The following TRIQK variants were observed in gnomAD, a reference collection of about 807,000 sequenced individuals.
The protein encoded by TRIQK is triple QxxK/R motif-containing protein.
A neutral mutation model predicts 10.8 loss-of-function variants in TRIQK; 10 were observed. The ratio of observed to expected loss-of-function variants is 0.92; its 90% CI spans 0.57 to 1.57. The LOEUF (loss-of-function observed/expected upper bound fraction) is 1.57. Among genes scored for constraint, TRIQK ranks in the 40% most tolerant of loss-of-function variants. The probability of loss-of-function intolerance (pLI) is 0.00; values close to 1 mark genes in which losing one functional copy is unlikely to be tolerated. For missense variants in TRIQK, 107 were observed against 97.7 expected (o/e 1.09, Z -0.40); for synonymous variants, 33 against 33.7 (o/e 0.98, Z 0.07).
chr8:92,990,301 C>T (rs1813083377), intron 1 of TRIQK, among the ~76,000 whole-genome samples: 1 of 152,154 alleles, frequency 6.6e-6, no homozygotes, highest in African/African-American at 2.4e-5. Context: ...GAATTCCAGT[C>T]AATTATGATA....
intron 3 of TRIQK, among the ~76,000 whole-genome samples, chr8:92,898,833 G>GTATGTATA: frequency 1.4e-5 from 1 of 73,920 alleles, no homozygotes; most frequent in South Asian, 5.7e-4. Context: ...GTGTGTGTGT[G>GTATGTATA]TATATATATA....
At chr8:93,005,366 G>C (rs1205663246) in intron 1 of TRIQK, among the ~76,000 whole-genome samples, 4 of 152,054 alleles carry the variant, frequency 2.6e-5, no homozygotes, top group Non-Finnish European at 5.9e-5. Context: ...GAACAGCAAA[G>C]GAGAAATCCA....
intron 2 of TRIQK, among the ~76,000 whole-genome samples, chr8:92,934,698 G>A (rs1373936645): frequency 6.6e-6 from 1 of 151,902 alleles, no homozygotes; most frequent in Non-Finnish European, 1.5e-5. Flanking sequence ...CACTTTGTTA[G>A]TATTTGCAGA....
At chr8:92,963,414 A>G (rs1812554930) in intron 1 of TRIQK, 1 of 151,982 alleles carries the variant, frequency 6.6e-6, no homozygotes, top group Admixed American at 6.6e-5. Flanking sequence ...GAAAACAACC[A>G]CAATTCTTTT....
chr8:92,954,180 G>T (rs1040643464), intron 2 of TRIQK: 7 of 151,790 alleles, frequency 4.6e-5, no homozygotes, highest in African/African-American at 1.7e-4. Context: ...TAAATGTATA[G>T]CTTTATAAAT....
intron 3 of TRIQK, among the ~76,000 whole-genome samples, chr8:92,910,216 G>A (rs1809499570): frequency 6.6e-6 from 1 of 151,308 alleles, no homozygotes; most frequent in Non-Finnish European, 1.5e-5. Context: ...AAAAAAATAT[G>A]TGAAAGATAG....
chr8:92,939,131 G>T (rs1323614790), intron 2 of TRIQK, among the ~76,000 whole-genome samples: 1 of 152,198 alleles, frequency 6.6e-6, no homozygotes, highest in Non-Finnish European at 1.5e-5. Flanking sequence ...GTTGAGAGGA[G>T]AAAGAGAGTT....
intron 1 of TRIQK, among the ~76,000 whole-genome samples, chr8:93,011,179 T>TACACAC (rs553408139): frequency 7.8e-4 from 108 of 138,826 alleles, no homozygotes; most frequent in South Asian, 6.0e-3. Flanking sequence ...TACACATACA[T>TACACAC]ACACACACAC....
intron 3 of TRIQK, among the ~76,000 whole-genome samples, chr8:92,915,871 T>C (rs1809812504): frequency 6.6e-6 from 1 of 152,112 alleles, no homozygotes; most frequent in Admixed American, 6.5e-5. Context: ...GTCTTTTGTT[T>C]TTCAGAAATA....
chr8:92,907,326 G>T (rs1469760023), intron 3 of TRIQK, among the ~76,000 whole-genome samples: 4 of 152,084 alleles, frequency 2.6e-5, no homozygotes, highest in Admixed American at 2.0e-4. Context: ...TTTGTGAATG[G>T]TTTCTTCCAA....
At chr8:92,950,307 G>A (rs1811827955) in intron 2 of TRIQK, among the ~76,000 whole-genome samples, 3 of 152,036 alleles carry the variant, frequency 2.0e-5, no homozygotes, top group Admixed American at 1.3e-4. Flanking sequence ...ATTTTTATCA[G>A]ATATTTACTG....
At chr8:92,967,699 G>A (rs1812808121), upstream of TRIQK, among the ~76,000 whole-genome samples, 1 of 151,558 alleles carries the variant, frequency 6.6e-6, no homozygotes, top group Non-Finnish European at 1.5e-5. Context: ...GCAGGCACCT[G>A]TAATCCCAGC....
At chr8:92,909,309 T>A (rs1038919832) in intron 3 of TRIQK, among the ~76,000 whole-genome samples, 49 of 151,906 alleles carry the variant, frequency 3.2e-4, no homozygotes, top group African/African-American at 1.1e-3. Flanking sequence ...GAGATTACCA[T>A]CAGCATAACG....
intron 3 of TRIQK, among the ~76,000 whole-genome samples, chr8:92,910,303 G>A (rs1335471685): frequency 6.6e-6 from 1 of 150,746 alleles, no homozygotes; most frequent in African/African-American, 2.4e-5. Flanking sequence ...ACTTTATTAA[G>A]TCAACTATGA....
At chr8:92,926,775 T>C (rs1810469926) in intron 2 of TRIQK, among the ~76,000 whole-genome samples, 1 of 152,178 alleles carries the variant, frequency 6.6e-6, no homozygotes, top group African/African-American at 2.4e-5. Flanking sequence ...CTGTTTTCAC[T>C]ATGAAGTAAA....
chr8:92,929,223 T>C (rs1017162074), intron 2 of TRIQK, among the ~76,000 whole-genome samples: 1 of 152,138 alleles, frequency 6.6e-6, no homozygotes, highest in African/African-American at 2.4e-5. Context: ...CAAATTCAGG[T>C]GGCTAGTGGA....
chr8:92,890,318 A>G (rs963561159), intron 4 of TRIQK, among the ~76,000 whole-genome samples: 1 of 151,820 alleles, frequency 6.6e-6, no homozygotes, highest in Non-Finnish European at 1.5e-5. Flanking sequence ...TTAAGGTTAA[A>G]GTTTTTGTTT....
intron 3 of TRIQK, among the ~76,000 whole-genome samples, chr8:92,911,794 T>A: frequency 6.7e-6 from 1 of 149,936 alleles, no homozygotes; most frequent in South Asian, 2.1e-4. Flanking sequence ...CATATATACA[T>A]ATATATGTGT....
At chr8:92,920,552 G>C (rs1036434689) in intron 2 of TRIQK, among the ~76,000 whole-genome samples, 1 of 151,448 alleles carries the variant, frequency 6.6e-6, no homozygotes, top group Non-Finnish European at 1.5e-5. Flanking sequence ...AAAAGAGAGA[G>C]AGAGACAAAG....
Sources: allele counts gnomAD v4.1 joint callset (sites outside exome capture counted in the v4.1 genomes callset), GRCh38; gene constraint gnomAD v4.1.1; transcripts MANE v1.5; gene names NCBI Gene and HGNC (gene_info 2026-07-23, HGNC 2026-07-21).